Variants in HSD17B12 observed in about 807,000 individuals in gnomAD.
HSD17B12 encodes the protein very-long-chain 3-oxoacyl-CoA reductase.
Under a neutral mutation model 39.3 loss-of-function variants are expected in HSD17B12, and 32 were observed. The observed-to-expected ratio is 0.81, with a 90% CI of 0.61 to 1.09. The LOEUF is 1.09. HSD17B12 is among the 50% of genes least tolerant of loss of function. The pLI, the probability that HSD17B12 is intolerant of heterozygous loss-of-function variation, is 0.00. For missense variants in HSD17B12, 342 were observed against 382.9 expected, an observed-to-expected ratio of 0.89 and a Z score of 0.89; for synonymous variants, 150 against 146.7, an observed-to-expected ratio of 1.02 and a Z score of -0.16.
the HSD17B12 span, among the ~76,000 whole-genome samples, chr11:43,620,667 A>G: frequency 6.6e-6 from 1 of 152,196 alleles, no homozygotes; most frequent in Admixed American, 6.5e-5. Context: ...TCTTGACAGC[A>G]CCCCATTGAA....
chr11:43,656,260 T>C, the HSD17B12 span, among the ~76,000 whole-genome samples: 1 of 152,234 alleles, frequency 6.6e-6, no homozygotes. Context: ...CCTTTGTAAT[T>C]TTTTATTGCA....
intron 4 of HSD17B12, among the ~76,000 whole-genome samples, chr11:43,810,976 G>A (rs1951068155): frequency 6.6e-6 from 1 of 152,158 alleles, no homozygotes; most frequent in Admixed American, 6.6e-5. Context: ...GCCATTGTTT[G>A]GTTTGGCGAA....
the HSD17B12 span, among the ~76,000 whole-genome samples, chr11:43,596,338 G>T: frequency 2.0e-5 from 3 of 152,118 alleles, no homozygotes; most frequent in Non-Finnish European, 4.4e-5. Flanking sequence ...TGGGTATTGA[G>T]TTCCTGGGTA....
rs141856511 is a variant in HSD17B12 at position 43,815,795 on chromosome 11, G to A, written c.456+294G>A. Among the ~76,000 whole-genome samples the A allele has an allele frequency of 5.3e-3, 813 of 152,112 alleles. 7 individuals are homozygous for A. The highest frequency in any genetic ancestry group is 8.2e-3 in the Non-Finnish European group (556 of 67,982). ...TAGTTTTGTTATTACTCTTATTTTT[G>A]TTTGTGTTATATCAAAATAGCTCTG... On this transcript the variant is annotated intron_variant, in intron 5 of 10. Coordinates refer to ENST00000278353, the MANE Select transcript of HSD17B12 (RefSeq NM_016142.3).
At chr11:43,768,608 G>A (rs936242808) in intron 3 of HSD17B12, among the ~76,000 whole-genome samples, 1 of 152,194 alleles carries the variant, frequency 6.6e-6, no homozygotes, top group Non-Finnish European at 1.5e-5. Context: ...CTTCTGGTGG[G>A]TTCATGGTCT....
chr11:43,724,963 G>T (rs572819741), intron 1 of HSD17B12, among the ~76,000 whole-genome samples: 1 of 152,276 alleles, frequency 6.6e-6, no homozygotes, highest in South Asian at 2.1e-4. Context: ...CCCAGAGCAG[G>T]ATTGGTATTC....
chr11:43,807,093 T>A (rs1008263787), intron 4 of HSD17B12, among the ~76,000 whole-genome samples: 1 of 152,198 alleles, frequency 6.6e-6, no homozygotes, highest in Non-Finnish European at 1.5e-5. Flanking sequence ...ACAGTACCTT[T>A]TCTTTCCTTT....
At chr11:43,644,320 T>TGCCA in the HSD17B12 span, 3 of 152,136 alleles carry the variant, frequency 2.0e-5, no homozygotes, top group South Asian at 6.2e-4. Context: ...TCGGTCCCGT[T>TGCCA]AGAAGGCCAC....
chr11:43,610,033 G>A, the HSD17B12 span, among the ~76,000 whole-genome samples: 11 of 152,294 alleles, frequency 7.2e-5, no homozygotes, highest in South Asian at 2.1e-4. Context: ...AATGAGGGGC[G>A]TCACGTTTTC....
At chr11:43,747,749 A>G (rs1386432202) in intron 1 of HSD17B12, among the ~76,000 whole-genome samples, 1 of 152,232 alleles carries the variant, frequency 6.6e-6, no homozygotes, top group Non-Finnish European at 1.5e-5. Flanking sequence ...TATGTGCATG[A>G]CGGACTGCCT....
intron 1 of HSD17B12, among the ~76,000 whole-genome samples, chr11:43,693,458 T>C (rs558933631): frequency 6.6e-5 from 10 of 152,160 alleles, no homozygotes; most frequent in Non-Finnish European, 1.2e-4. Flanking sequence ...AAGGATGCCA[T>C]TATGCCATGC....
Position 43,855,407 on chromosome 11 carries a change from G to A in HSD17B12, c.*159G>A. The A allele has an allele frequency of 2.2e-6, 1 of 458,394 alleles. No individual in the cohort carries two copies. The highest frequency in any genetic ancestry group is 4.1e-5 in the South Asian group (1 of 24,422). The allele number at this position is 458,394 out of a possible 1,614,324, so 28.4% of individuals were successfully genotyped here. ...AAGAGGAAAATAGAAGTTGCTTTTA[G>A]GGGTTTCTGACATATATTCTGGATA... is the stretch of plus-strand genomic sequence containing the variant. On this transcript the variant is annotated 3_prime_UTR_variant, in exon 11 of 11. Transcript: ENST00000278353.
the HSD17B12 span, among the ~76,000 whole-genome samples, chr11:43,656,529 TG>T: frequency 6.6e-6 from 1 of 152,218 alleles, no homozygotes; most frequent in African/African-American, 2.4e-5. Flanking sequence ...CTTTCTCTTG[TG>T]GGCATTTAGT....
At chr11:43,805,786 AG>A (rs989077005) in intron 4 of HSD17B12, among the ~76,000 whole-genome samples, 3 of 152,176 alleles carry the variant, frequency 2.0e-5, no homozygotes, top group African/African-American at 7.2e-5. Context: ...TCAGGAACAC[AG>A]CCCCCCAAAA....
intron 1 of HSD17B12, among the ~76,000 whole-genome samples, chr11:43,691,714 G>C (rs1949864715): frequency 1.3e-5 from 2 of 152,132 alleles, no homozygotes; most frequent in South Asian, 4.1e-4. Context: ...TGGCCCTTTT[G>C]ATCTTGGCCT....
chr11:43,754,935 C>G (rs1243711948), intron 3 of HSD17B12: 18 of 751,908 alleles, frequency 2.4e-5, no homozygotes, highest in Admixed American at 1.8e-4. Context: ...TCTACTCAAT[C>G]AACCAGATGG....
the HSD17B12 span, among the ~76,000 whole-genome samples, chr11:43,656,708 G>A: frequency 2.0e-4 from 30 of 152,278 alleles, no homozygotes; most frequent in Admixed American, 9.2e-4. Context: ...TAGTTCAGCC[G>A]TTTTGAGTGA....
chr11:43,796,367 A>G (rs1275593007), intron 3 of HSD17B12, among the ~76,000 whole-genome samples: 1 of 152,102 alleles, frequency 6.6e-6, no homozygotes, highest in Non-Finnish European at 1.5e-5. Flanking sequence ...AAAAAAATGG[A>G]AAGGCTCACA....
the HSD17B12 span, among the ~76,000 whole-genome samples, chr11:43,588,005 AT>A: frequency 2.0e-5 from 3 of 152,228 alleles, no homozygotes; most frequent in Non-Finnish European, 2.9e-5. Context: ...TGAAGGAGAA[AT>A]TGGGAGGCTG....
Sources: allele counts gnomAD v4.1 joint callset (sites outside exome capture counted in the v4.1 genomes callset), GRCh38; gene constraint gnomAD v4.1.1; transcripts MANE v1.5; gene names NCBI Gene and HGNC (gene_info 2026-07-23, HGNC 2026-07-21).